RABGAP1L: variants seen among roughly 807,000 people sequenced by gnomAD.
The protein encoded by RABGAP1L is RAB GTPase activating protein 1 like, also known as rab GTPase-activating protein 1-like.
RABGAP1L carries 63 observed loss-of-function variants against 137.7 expected under a neutral mutation model. That is an observed-to-expected ratio of 0.46 (90% confidence interval 0.37 to 0.56). RABGAP1L has a LOEUF of 0.56. Ranked by LOEUF, RABGAP1L falls within the 20% of genes least tolerant of loss-of-function variation. The pLI is 0.00. For synonymous variants in RABGAP1L, 431 were observed against 433.7 expected (o/e 0.99, Z 0.08); for missense variants, 1,095 against 1,244.0 (o/e 0.88, Z 1.80).
chr1:174,327,293 A>G (rs1230555474), intron 11 of RABGAP1L, among the ~76,000 whole-genome samples: 2 of 147,216 alleles, frequency 1.4e-5, no homozygotes, highest in Non-Finnish European at 3.0e-5. Flanking sequence ...AAAGATGTAA[A>G]TTATGTATAT....
chr1:174,556,058 C>T (rs1002762291), intron 13 of RABGAP1L, among the ~76,000 whole-genome samples: 4 of 141,964 alleles, frequency 2.8e-5, no homozygotes, highest in Non-Finnish European at 6.0e-5. Flanking sequence ...AGTGCAGTGG[C>T]GCGATCTTGG....
In RABGAP1L at chr1:174,936,424, G is replaced by A. The variant is rs371429864; in HGVS notation, c.2341-21033G>A. Among the ~76,000 whole-genome samples, 194 of 151,982 alleles carry A rather than the reference G, an allele frequency of 1.3e-3. 8 individuals carry two copies. The South Asian group carries it at 0.036, about 29-fold the overall frequency. ...TCAAGACCAGCCTGGGCAACATGGC[G>A]AAACCCTGTCTCCACAAAAAATACA... On this transcript the variant is annotated intron_variant, in intron 19 of 25. Coordinates refer to ENST00000681986, the MANE Select transcript of RABGAP1L (RefSeq NM_001366446.1).
intron 13 of RABGAP1L, among the ~76,000 whole-genome samples, chr1:174,617,153 A>T (rs1238138197): frequency 3.3e-5 from 5 of 152,222 alleles, no homozygotes; most frequent in Admixed American, 3.3e-4. Context: ...CTGAATTGAT[A>T]TATAGAGAAA....
At chr1:174,414,405 G>A (rs1476867300) in intron 13 of RABGAP1L, among the ~76,000 whole-genome samples, 2 of 151,902 alleles carry the variant, frequency 1.3e-5, no homozygotes, top group Non-Finnish European at 2.9e-5. Flanking sequence ...CTGCTTTTCG[G>A]TTGTATGACT....
At chr1:174,796,964 G>A (rs1268780646) in intron 18 of RABGAP1L, among the ~76,000 whole-genome samples, 2 of 151,464 alleles carry the variant, frequency 1.3e-5, no homozygotes, top group Non-Finnish European at 1.5e-5. Context: ...CTGAGATCAC[G>A]CCACTGCATT....
chr1:174,186,923 A>T (rs1666848280), intron 1 of RABGAP1L, among the ~76,000 whole-genome samples: 1 of 152,144 alleles, frequency 6.6e-6, no homozygotes. Context: ...TTTTCAATGT[A>T]CTTAAAACTT....
intron 13 of RABGAP1L, among the ~76,000 whole-genome samples, chr1:174,564,183 A>C (rs1025214246): frequency 1.3e-5 from 2 of 152,232 alleles, no homozygotes; most frequent in Non-Finnish European, 2.9e-5. Context: ...CTCATATCAT[A>C]TCTAACAGTT....
intron 17 of RABGAP1L, among the ~76,000 whole-genome samples, chr1:174,732,763 A>G (rs1410386925): frequency 6.6e-6 from 1 of 152,156 alleles, no homozygotes; most frequent in Non-Finnish European, 1.5e-5. Flanking sequence ...CTTCCTGGTT[A>G]TTTTCCTCAA....
intron 19 of RABGAP1L, among the ~76,000 whole-genome samples, chr1:174,816,147 C>CTTTTTTTTTTTTT (rs67065448): frequency 7.0e-5 from 6 of 86,154 alleles, no homozygotes; most frequent in Non-Finnish European, 1.1e-4. Context: ...TAATACATAG[C>CTTTTTTTTTTTTT]TTTTTTTTTT....
chr1:174,929,969 G>T (rs1393015171), intron 19 of RABGAP1L, among the ~76,000 whole-genome samples: 1 of 148,456 alleles, frequency 6.7e-6, no homozygotes, highest in African/African-American at 2.5e-5. Flanking sequence ...TCCCACCTCA[G>T]CCTCCTGAGT....
rs1399442381 is a variant in RABGAP1L, at chr1:174,448,645, T to A, written c.1710+54500T>A. 1.2e-6 allele frequency: 2 copies of A among 1,613,806 alleles called. No homozygotes were observed. The highest frequency in any genetic ancestry group is 1.7e-6 in the Non-Finnish European group (2 of 1,179,800). Reference sequence around the variant, plus strand: ...GCCTAATTTTCTTGCCTTCCTTTTTTGGCTGGGGGAAACCTGGTTACCATG... The same window carrying A: ...GCCTAATTTTCTTGCCTTCCTTTTTAGGCTGGGGGAAACCTGGTTACCATG... On this transcript the variant is annotated intron_variant, in intron 13 of 25. Coordinates refer to ENST00000681986, the MANE Select transcript of RABGAP1L (RefSeq NM_001366446.1). The surrounding 1 kb of genome is among the most constrained non-coding windows in gnomAD (Gnocchi z 4.2).
At chr1:174,201,977 G>T (rs908469500) in intron 1 of RABGAP1L, among the ~76,000 whole-genome samples, 4 of 151,930 alleles carry the variant, frequency 2.6e-5, no homozygotes, top group Admixed American at 6.5e-5. Flanking sequence ...CAAAGGACAT[G>T]AACTCATCAT....
chr1:174,610,882 G>A (rs1354223268), intron 13 of RABGAP1L, among the ~76,000 whole-genome samples: 1 of 152,112 alleles, frequency 6.6e-6, no homozygotes, highest in Non-Finnish European at 1.5e-5. Flanking sequence ...CATGTCCTTT[G>A]CCTATTTTTT....
chr1:174,640,008 A>C (rs1674399376), intron 14 of RABGAP1L, among the ~76,000 whole-genome samples: 1 of 152,196 alleles, frequency 6.6e-6, no homozygotes, highest in African/African-American at 2.4e-5. Context: ...AAAGTAGCTT[A>C]AATCACACTA....
chr1:174,285,191 A>G (rs1675947526), intron 10 of RABGAP1L, among the ~76,000 whole-genome samples: 1 of 151,536 alleles, frequency 6.6e-6, no homozygotes. Flanking sequence ...TAATTTTTGT[A>G]CTTTTAGTAG....
chr1:174,570,027 G>T (rs1667863078), intron 13 of RABGAP1L, among the ~76,000 whole-genome samples: 1 of 152,148 alleles, frequency 6.6e-6, no homozygotes, highest in South Asian at 2.1e-4. Flanking sequence ...AGTGAATTCT[G>T]TAAAACCATT....
At chr1:174,300,866 A>G (rs1284279327) in intron 10 of RABGAP1L, among the ~76,000 whole-genome samples, 4 of 152,296 alleles carry the variant, frequency 2.6e-5, no homozygotes, top group Admixed American at 6.5e-5. Context: ...ACTCTATCTC[A>G]AATGAATGAA....
At chr1:174,183,997 C>G (rs1666595394) in intron 1 of RABGAP1L, among the ~76,000 whole-genome samples, 2 of 151,724 alleles carry the variant, frequency 1.3e-5, no homozygotes, top group Non-Finnish European at 2.9e-5. Flanking sequence ...TCCCAAGTAG[C>G]TGGGACTACA....
At chr1:174,503,784 T>A (rs1661564118) in intron 13 of RABGAP1L, among the ~76,000 whole-genome samples, 1 of 151,284 alleles carries the variant, frequency 6.6e-6, no homozygotes, top group Admixed American at 6.6e-5. Context: ...AAAAAATTAC[T>A]CAGGAATAAA....
Sources: allele counts gnomAD v4.1 joint callset (sites outside exome capture counted in the v4.1 genomes callset), GRCh38; gene constraint gnomAD v4.1.1; non-coding constraint Gnocchi (gnomAD v3.1); transcripts MANE v1.5; gene names NCBI Gene and HGNC (gene_info 2026-07-23, HGNC 2026-07-21).